Variants in TTYH1 observed in about 807,000 individuals in gnomAD.
The protein encoded by TTYH1 is protein tweety homolog 1.
A neutral mutation model predicts 61.2 loss-of-function variants in TTYH1; 33 were observed. The observed-to-expected ratio is 0.54, with a 90% CI of 0.41 to 0.72. TTYH1 has a LOEUF of 0.72. TTYH1 is among the 30% of genes least tolerant of loss of function. TTYH1 has a pLI of 0.00. For missense variants in TTYH1, 538 were observed against 575.8 expected, an observed-to-expected ratio of 0.93 and a Z score of 0.67; for synonymous variants, 308 against 266.4, an observed-to-expected ratio of 1.16 and a Z score of -1.52.
chr19:54,426,855 G>A, intron 5 of TTYH1, 87 bp downstream of exon 5: 1 of 1,236,672 alleles, frequency 8.1e-7, no homozygotes, highest in Non-Finnish European at 1.2e-6. Context: ...CCTACACGGA[G>A]GACCGTGGTC....
chr19:54,418,126 A>T (rs143799480), intron 1 of TTYH1: 1 of 152,010 alleles, frequency 6.6e-6, no homozygotes, highest in Non-Finnish European at 1.5e-5. Context: ...TCTGATCCCA[A>T]TGTTGTCCCT....
At chr19:54,427,288 C>G (rs1180665247) in intron 5 of TTYH1, among the ~76,000 whole-genome samples, 328 of 59,268 alleles carry the variant, frequency 5.5e-3, no homozygotes, top group Admixed American at 0.01. Flanking sequence ...GACAGAGTGA[C>G]ACTCCATCTC....
Position 54,419,394 on chromosome 19 carries a change from G to T in TTYH1, c.305+88G>T. ...TCCTGGGGGTGTCCTCCGGGGACATGGAGGAAGCAGACAGGAAGGAGGAAA... is the reference window on the plus strand; with the variant it reads ...TCCTGGGGGTGTCCTCCGGGGACATTGAGGAAGCAGACAGGAAGGAGGAAA... On this transcript the variant is annotated intron_variant, in intron 2 of 13. Transcript: ENST00000376530. The surrounding 1 kb of genome is among the most constrained non-coding windows in gnomAD (Gnocchi z 6.1). 7.3e-7 allele frequency: 1 copy of T among 1,376,186 alleles called. No homozygotes were observed. Among genetic ancestry groups the T allele is most frequent in the South Asian group, 1.2e-5 (1 of 81,736 alleles). 85.2% of individuals were successfully genotyped at this position (1,376,186 alleles called of 1,614,324 possible).
chr19:54,419,006 A>G lies in TTYH1; in HGVS notation c.127-122A>G. The G allele has an allele frequency of 1.0e-6, 1 of 982,096 alleles. No homozygotes were observed. The highest frequency in any genetic ancestry group is 1.5e-6 in the Non-Finnish European group (1 of 665,136). The allele number at this position is 982,096 out of a possible 1,614,324, so 60.8% of individuals were successfully genotyped here. ...ACCCAATCTCCCCCAAGATTAGGCC[A>G]GGGATGTCTCCCACCTTCACTCTGA... is the stretch of plus-strand genomic sequence containing the variant. On this transcript the variant is annotated intron_variant, in intron 1 of 13. Transcript: ENST00000376530. The surrounding 1 kb of genome is among the most constrained non-coding windows in gnomAD (Gnocchi z 6.1).
chr19:54,416,249 G>A lies in TTYH1; in HGVS notation c.126+571G>A, dbSNP rs1361520048. The A allele has an allele frequency of 2.9e-6, 1 of 344,636 alleles. No individual in the cohort carries two copies. Among genetic ancestry groups the A allele is most frequent in the South Asian group, 2.7e-5 (1 of 37,640 alleles). The allele number at this position is 344,636 out of a possible 1,614,324, so 21.3% of individuals were successfully genotyped here. The stretch of plus-strand genomic sequence containing the variant: ...CTCTGGGAGAGGAAGCTTCTTGCCC[G>A]TCCCAAGAAAGAAGGGGTGGTCAGG... On this transcript the variant is annotated intron_variant, in intron 1 of 13. Coordinates refer to ENST00000376530, the MANE Select transcript of TTYH1 (RefSeq NM_020659.4). This position sits in a 1 kb window ranked among gnomAD's most constrained non-coding sequence, Gnocchi z 7.0.
At position 54,416,191 on chromosome 19, in the gene TTYH1, G is replaced by T; in HGVS notation, c.126+513G>T. The T allele has an allele frequency of 1.5e-6, 1 of 673,330 alleles. No homozygotes were observed. The allele number at this position is 673,330 out of a possible 1,614,324, so 41.7% of individuals were successfully genotyped here. A position where few individuals can be genotyped will look rare whatever the true frequency, so the allele number is the denominator to read the frequency against. ...GTCTGAAATGGGGAAGGGGGCTTCA[G>T]GGGCTGAGGACCAGGGCTGGAAAAT... is the stretch of plus-strand genomic sequence containing the variant. On this transcript the variant is annotated intron_variant, in intron 1 of 13. Coordinates refer to ENST00000376530, the MANE Select transcript of TTYH1 (RefSeq NM_020659.4). The surrounding 1 kb of genome is among the most constrained non-coding windows in gnomAD (Gnocchi z 7.0).
At position 54,421,393 on chromosome 19, in the gene TTYH1, G is replaced by T; in HGVS notation, c.417+5G>T. 1 of 1,605,734 alleles carries T rather than the reference G, an allele frequency of 6.2e-7. No homozygotes were observed. ...CTCAGCACCATTGACCACCTGGTGA[G>T]GGGCCAGCAACCAGTGGGACCCCAG... On this transcript the variant is annotated splice_donor_5th_base_variant and intron_variant, in intron 3 of 13. Transcript: ENST00000376530. This position sits in a 1 kb window ranked among gnomAD's most constrained non-coding sequence, Gnocchi z 4.8.
intron 4 of TTYH1, among the ~76,000 whole-genome samples, chr19:54,425,255 C>G (rs1413631077): frequency 6.6e-6 from 1 of 152,178 alleles, no homozygotes; most frequent in East Asian, 1.9e-4. Flanking sequence ...CGGCGGCAAA[C>G]AGCAGTGGTG....
At chr19:54,431,569 C>T (rs1282385389) in intron 10 of TTYH1, 1 of 274,516 alleles carries the variant, frequency 3.6e-6, no homozygotes, top group Non-Finnish European at 7.0e-6. Flanking sequence ...TGGAGCAAGA[C>T]TGCCTGGGTT....
Position 54,415,530 on chromosome 19 carries a change from C to T in TTYH1, c.-23C>T, listed in dbSNP as rs1247916768. 5 of 1,433,062 alleles carry T rather than the reference C, an allele frequency of 3.5e-6. No individual in the cohort carries two copies. The highest frequency in any genetic ancestry group is 4.6e-6 in the Non-Finnish European group (5 of 1,097,216). The allele number at this position is 1,433,062 out of a possible 1,614,324, so 88.8% of individuals were successfully genotyped here. A position where few individuals can be genotyped will look rare whatever the true frequency, so the allele number is the denominator to read the frequency against. Reference sequence around the variant, plus strand: ...GCTCCCGCAGCCCCGGCGTCCGCCCCGCTGCCCCCTCCCCCGGGGGCCATG... The same window carrying T: ...GCTCCCGCAGCCCCGGCGTCCGCCCTGCTGCCCCCTCCCCCGGGGGCCATG... On this transcript the variant is annotated 5_prime_UTR_variant, in exon 1 of 14. Coordinates refer to ENST00000376530, the MANE Select transcript of TTYH1 (RefSeq NM_020659.4). The surrounding 1 kb of genome is among the most constrained non-coding windows in gnomAD (Gnocchi z 5.2).
In TTYH1 at chr19:54,419,283, C is replaced by T. The variant is rs1392129998; in HGVS notation, c.282C>T (p.Cys94=). The stretch of plus-strand genomic sequence containing the variant: ...GGGGAGGCTGCGTCACCTGGAGCTG[C>T]ATTGTCGCCCTTCTCGCCGGCTGGT... ...SPGGGCVTWS[C]IVALLAGCTG... Residue 94 remains cysteine (C), a synonymous_variant, in exon 2 of 14, where the codon TGC becomes TGT. Transcript: ENST00000376530. This position sits in a 1 kb window ranked among gnomAD's most constrained non-coding sequence, Gnocchi z 6.1. 1 of 1,587,894 alleles carries T rather than the reference C, an allele frequency of 6.3e-7. No individual in the cohort carries two copies. Among genetic ancestry groups the T allele is most frequent in the East Asian group, 2.3e-5 (1 of 43,950 alleles).
rs2083184980 is a variant in TTYH1, at chr19:54,420,346, G to A, written c.306-931G>A. On this transcript the variant is annotated intron_variant, in intron 2 of 13. Coordinates refer to ENST00000376530, the MANE Select transcript of TTYH1 (RefSeq NM_020659.4). The surrounding 1 kb of genome is among the most constrained non-coding windows in gnomAD (Gnocchi z 4.8). ...CCTCCGGCTCTCTGGCGTGGGGGGA[G>A]ACAGGGGAGGTGGACAAAGGCCCAG... Among the ~76,000 whole-genome samples, 1 of 152,168 alleles carries A rather than the reference G, an allele frequency of 6.6e-6. No homozygotes were observed. Among genetic ancestry groups the A allele is most frequent in the Non-Finnish European group, 1.5e-5 (1 of 68,008 alleles).
In TTYH1 at chr19:54,421,045, A is replaced by G. The variant is rs907778871; in HGVS notation, c.306-232A>G. Among the ~76,000 whole-genome samples, 2 of 151,916 alleles carry G rather than the reference A, an allele frequency of 1.3e-5. No individual in the cohort carries two copies. Among genetic ancestry groups the G allele is most frequent in the African/African-American group, 2.4e-5 (1 of 41,400 alleles). Reference sequence around the variant, plus strand: ...CCTCCCCCCCACCACTCCACCCACCATTAACATCACAATGACGTCCCTCCG... The same window carrying G: ...CCTCCCCCCCACCACTCCACCCACCGTTAACATCACAATGACGTCCCTCCG... On this transcript the variant is annotated intron_variant, in intron 2 of 13. Transcript: ENST00000376530. This position sits in a 1 kb window ranked among gnomAD's most constrained non-coding sequence, Gnocchi z 4.8.
intron 1 of TTYH1, among the ~76,000 whole-genome samples, chr19:54,417,369 T>G (rs1474187215): frequency 6.7e-6 from 1 of 149,592 alleles, no homozygotes; most frequent in East Asian, 2.0e-4. Flanking sequence ...CACACACATA[T>G]GCACAGGTAC....
chr19:54,422,248 A>G lies in TTYH1; in HGVS notation c.476A>G (p.Glu159Gly). The G allele has an allele frequency of 6.4e-7, 1 of 1,566,974 alleles. No individual in the cohort carries two copies. ...GTGAGGACAGAGCTGACCACCCTGG[A>G]GGAGGTGCTCGAGCCGCGCACGGAG... is the stretch of plus-strand genomic sequence containing the variant. ...EAVRTELTTL[E>G]EVLEPRTELV... Residue 159 changes from glutamate to glycine, a missense_variant, in exon 4 of 14, where the codon GAG becomes GGG. Coordinates refer to ENST00000376530, the MANE Select transcript of TTYH1 (RefSeq NM_020659.4).
In TTYH1 at chr19:54,421,877, C is replaced by T. The variant is rs2083225066; in HGVS notation, c.418-313C>T. On this transcript the variant is annotated intron_variant, in intron 3 of 13. Coordinates refer to ENST00000376530, the MANE Select transcript of TTYH1 (RefSeq NM_020659.4). The surrounding 1 kb of genome is among the most constrained non-coding windows in gnomAD (Gnocchi z 4.8). ...GACCATGGGACCCAGACTTGAGACCCCAGATTCTGGAAGGCAGATGAAAAC... is the reference window on the plus strand; with the variant it reads ...GACCATGGGACCCAGACTTGAGACCTCAGATTCTGGAAGGCAGATGAAAAC... 6.6e-6 allele frequency among the ~76,000 whole-genome samples: 1 copy of T among 152,136 alleles called. No individual in the cohort carries two copies. The highest frequency in any genetic ancestry group is 6.5e-5 in the Admixed American group (1 of 15,272).
Position 54,415,587 on chromosome 19 carries a change from G to T in TTYH1, c.35G>T (p.Trp12Leu). ...CCCCCGGGCTACCGGCCCTCAGCTT[G>T]GGTGCATCTCCTCCACCAGCTGCCC... ...GAPPGYRPSA[W>L]VHLLHQLPRA... Residue 12 changes from tryptophan (W) to leucine (L), a missense_variant, in exon 1 of 14, where the codon TGG (tryptophan) becomes TTG (leucine). This residue lies in a region of TTYH1 where 157 missense variants were observed against 157.0 expected (regional missense o/e 1.00). Transcript: ENST00000376530. The surrounding 1 kb of genome is among the most constrained non-coding windows in gnomAD (Gnocchi z 5.2). 6.5e-7 allele frequency: 1 copy of T among 1,532,408 alleles called. No individual in the cohort carries two copies. The highest frequency in any genetic ancestry group is 8.7e-7 in the Non-Finnish European group (1 of 1,146,764). 94.9% of individuals were successfully genotyped at this position (1,532,408 alleles called of 1,614,324 possible).
chr19:54,427,935 A>C (rs2083361608), intron 5 of TTYH1, among the ~76,000 whole-genome samples: 1 of 151,912 alleles, frequency 6.6e-6, no homozygotes, highest in Non-Finnish European at 1.5e-5. Flanking sequence ...TATTTTGAGA[A>C]GGTCTTGCTT....
rs542166372 is a variant in TTYH1, at chr19:54,436,478, G to A, written c.*188G>A. On this transcript the variant is annotated 3_prime_UTR_variant, in exon 14 of 14. Coordinates refer to ENST00000376530, the MANE Select transcript of TTYH1 (RefSeq NM_020659.4). This position sits in a 1 kb window ranked among gnomAD's most constrained non-coding sequence, Gnocchi z 4.3. ...CCCATTTCTGTCCTTGGCCTTGGGA[G>A]TAGCTGAGGGGGCAGACTAGGGAGT... The A allele has an allele frequency of 9.0e-5, 115 of 1,284,392 alleles. 1 individual carries two copies. In the South Asian group the frequency reaches 1.4e-3, roughly 15 times the overall value. The allele number at this position is 1,284,392 out of a possible 1,614,324, so 79.6% of individuals were successfully genotyped here.
Sources: allele counts gnomAD v4.1 joint callset (sites outside exome capture counted in the v4.1 genomes callset), GRCh38; gene constraint gnomAD v4.1.1; regional missense constraint gnomAD v4.1.1; non-coding constraint Gnocchi (gnomAD v3.1); transcripts MANE v1.5; gene names NCBI Gene and HGNC (gene_info 2026-07-23, HGNC 2026-07-21).